The following RAB38 variants were observed in gnomAD, a reference collection of about 807,000 sequenced individuals.
RAB38 encodes the protein ras-related protein Rab-38.
In RAB38, 15 loss-of-function variants were observed where a neutral mutation model predicts 18.4. The ratio of observed to expected loss-of-function variants is 0.82; its 90% CI spans 0.55 to 1.26. The LOEUF (loss-of-function observed/expected upper bound fraction) is 1.26, where lower values mean the gene tolerates loss of function less well. Among genes scored for constraint, RAB38 ranks in the 50% most tolerant of loss-of-function variants. RAB38 has a pLI of 0.00. For missense variants in RAB38, 294 were observed against 267.4 expected (o/e 1.10, Z -0.69); for synonymous variants, 101 against 104.4 (o/e 0.97, Z 0.20).
chr11:87,873,727 A>T, the RAB38 span, among the ~76,000 whole-genome samples: 45 of 151,236 alleles, frequency 3.0e-4, no homozygotes, highest in African/African-American at 1.0e-3. Context: ...TTTTCCATTG[A>T]ATTGTTTTTG....
the RAB38 span, among the ~76,000 whole-genome samples, chr11:87,811,176 A>G: frequency 3.7e-3 from 556 of 152,262 alleles, 4 homozygotes; most frequent in African/African-American, 0.013. Context: ...GAAATTGTAC[A>G]CATGCCCATC....
At chr11:87,958,441 C>T in the RAB38 span, among the ~76,000 whole-genome samples, 5 of 152,140 alleles carry the variant, frequency 3.3e-5, no homozygotes, top group East Asian at 9.6e-4. Flanking sequence ...CTCCAACCTC[C>T]TTTCTTCATA....
the RAB38 span, chr11:87,917,958 T>C: frequency 2.0e-5 from 3 of 151,962 alleles, no homozygotes; most frequent in Non-Finnish European, 4.4e-5. Context: ...AATTACACCA[T>C]ACTGACACAG....
the RAB38 span, among the ~76,000 whole-genome samples, chr11:87,965,489 T>C: frequency 6.6e-5 from 10 of 152,230 alleles, no homozygotes; most frequent in South Asian, 4.1e-4. Context: ...TTCATGTTCA[T>C]TTACTTTTCC....
At chr11:87,917,759 T>A in the RAB38 span, among the ~76,000 whole-genome samples, 1 of 152,178 alleles carries the variant, frequency 6.6e-6, no homozygotes, top group African/African-American at 2.4e-5. Flanking sequence ...TTTTCTACCC[T>A]CATAGCAAAG....
At chr11:88,097,219 T>C in the RAB38 span, among the ~76,000 whole-genome samples, 19 of 151,810 alleles carry the variant, frequency 1.3e-4, no homozygotes, top group African/African-American at 4.4e-4. Context: ...GCCTGTTACT[T>C]TATAGCAAAT....
chr11:87,889,594 C>A, the RAB38 span, among the ~76,000 whole-genome samples: 1 of 151,686 alleles, frequency 6.6e-6, no homozygotes, highest in African/African-American at 2.4e-5. Flanking sequence ...GTATTATAAT[C>A]CTCTTAACAT....
chr11:87,850,293 T>A, the RAB38 span, among the ~76,000 whole-genome samples: 1 of 152,106 alleles, frequency 6.6e-6, no homozygotes, highest in Non-Finnish European at 1.5e-5. Context: ...AGGTCGTTCT[T>A]CTCTCTTCTT....
chr11:88,026,494 C>T, the RAB38 span, among the ~76,000 whole-genome samples: 4 of 130,452 alleles, frequency 3.1e-5, no homozygotes, highest in South Asian at 5.4e-4. Context: ...ACCCGGGAGG[C>T]GGAGGTTGCA....
chr11:87,851,515 G>C, the RAB38 span, among the ~76,000 whole-genome samples: 1 of 152,158 alleles, frequency 6.6e-6, no homozygotes, highest in African/African-American at 2.4e-5. Flanking sequence ...TGTTTGTTTG[G>C]TCTGAATCAT....
At chr11:88,121,602 G>A (rs916666697) in intron 2 of RAB38, among the ~76,000 whole-genome samples, 9 of 152,174 alleles carry the variant, frequency 5.9e-5, no homozygotes, top group Non-Finnish European at 7.4e-5. Flanking sequence ...TCGCTCTGTC[G>A]CCCAGGCTGG....
chr11:87,931,038 G>C, the RAB38 span, among the ~76,000 whole-genome samples: 1 of 152,090 alleles, frequency 6.6e-6, no homozygotes, highest in African/African-American at 2.4e-5. Context: ...GGATTGACTT[G>C]GCAATGCGGG....
chr11:88,070,046 C>T, the RAB38 span, among the ~76,000 whole-genome samples: 1 of 152,166 alleles, frequency 6.6e-6, no homozygotes, highest in African/African-American at 2.4e-5. Flanking sequence ...GCAGAGGCAA[C>T]CTGCTCTGGG....
At chr11:87,938,419 C>T in the RAB38 span, among the ~76,000 whole-genome samples, 1 of 151,966 alleles carries the variant, frequency 6.6e-6, no homozygotes, top group African/African-American at 2.4e-5. Context: ...GCTTCCTTAG[C>T]CCTCTCTGGC....
chr11:87,878,256 A>ACACACAC, the RAB38 span, among the ~76,000 whole-genome samples: 1 of 37,248 alleles, frequency 2.7e-5, no homozygotes, highest in Non-Finnish European at 5.3e-5. Flanking sequence ...CCTATCATCT[A>ACACACAC]TCTATCTATC....
the RAB38 span, among the ~76,000 whole-genome samples, chr11:88,040,703 AAACAACAAC>A: frequency 0.016 from 2,399 of 149,120 alleles, 18 homozygotes; most frequent in African/African-American, 0.026. Context: ...ACCCTGTCTC[AAACAACAAC>A]AACAACAACA....
chr11:87,865,050 A>G, the RAB38 span, among the ~76,000 whole-genome samples: 3 of 151,788 alleles, frequency 2.0e-5, no homozygotes, highest in Admixed American at 2.0e-4. Context: ...TGCACGTAAT[A>G]TGAGGAGAGA....
At chr11:87,862,785 A>T in the RAB38 span, among the ~76,000 whole-genome samples, 6 of 151,870 alleles carry the variant, frequency 4.0e-5, no homozygotes, top group African/African-American at 9.7e-5. Context: ...CAATTTTTTT[A>T]AAAAAGATAG....
chr11:87,804,443 G>C, the RAB38 span, among the ~76,000 whole-genome samples: 1 of 152,160 alleles, frequency 6.6e-6, no homozygotes, highest in African/African-American at 2.4e-5. Flanking sequence ...CTGGTCAACA[G>C]CCCACATTCT....
Sources: allele counts gnomAD v4.1 joint callset (sites outside exome capture counted in the v4.1 genomes callset), GRCh38; gene constraint gnomAD v4.1.1; transcripts MANE v1.5; gene names NCBI Gene and HGNC (gene_info 2026-07-23, HGNC 2026-07-21).